NBAS: variants seen among roughly 807,000 people sequenced by gnomAD.
The protein encoded by NBAS is NAG/BC035112 fusion.
Under a neutral mutation model 302.5 loss-of-function variants are expected in NBAS, and 219 were observed. The ratio of observed to expected loss-of-function variants is 0.72; its 90% CI spans 0.65 to 0.81. The LOEUF (loss-of-function observed/expected upper bound fraction) is 0.81. Ranked by LOEUF, NBAS falls within the 30% of genes least tolerant of loss-of-function variation. The pLI is 0.00. For synonymous variants in NBAS, 1,118 were observed against 1,021.6 expected, an observed-to-expected ratio of 1.09 and a Z score of -1.80; for missense variants, 2,932 against 2,841.6, an observed-to-expected ratio of 1.03 and a Z score of -0.72.
At chr2:15,414,269 A>G (rs1676816030) in intron 25 of NBAS, among the ~76,000 whole-genome samples, 1 of 152,232 alleles carries the variant, frequency 6.6e-6, no homozygotes, top group African/African-American at 2.4e-5. Context: ...ATACTGGTCC[A>G]TGACCATGTA....
chr2:14,998,767 TC>T, the NBAS span, among the ~76,000 whole-genome samples: 1 of 152,180 alleles, frequency 6.6e-6, no homozygotes, highest in Non-Finnish European at 1.5e-5. Flanking sequence ...GAATTTCCTG[TC>T]TTTTATGCAA....
At chr2:15,029,544 C>T in the NBAS span, among the ~76,000 whole-genome samples, 2 of 152,108 alleles carry the variant, frequency 1.3e-5, no homozygotes, top group African/African-American at 4.8e-5. Context: ...ATAAAGGAAT[C>T]GGAAGAAACC....
chr2:15,101,538 T>G, the NBAS span, among the ~76,000 whole-genome samples: 1 of 151,934 alleles, frequency 6.6e-6, no homozygotes, highest in Non-Finnish European at 1.5e-5. Context: ...AATAAACATA[T>G]AGTTTTAAAA....
chr2:15,243,165 T>G lies in NBAS; in HGVS notation c.5725-4479A>C, dbSNP rs185018961. On this transcript the variant is annotated intron_variant, in intron 44 of 51. Transcript: ENST00000281513. ...AACTTGTCTCCCAGTGTGACAGAGATAGTGGTGCTCACCAAACACAAGCAT... is the reference window on the plus strand; with the variant it reads ...AACTTGTCTCCCAGTGTGACAGAGAGAGTGGTGCTCACCAAACACAAGCAT... Among the ~76,000 whole-genome samples the G allele has an allele frequency of 7.9e-5, 12 of 152,294 alleles. No individual in the cohort carries two copies. The East Asian group carries it at 2.3e-3, about 29-fold the overall frequency.
chr2:15,052,965 GAGAA>G, the NBAS span, among the ~76,000 whole-genome samples: 10 of 152,222 alleles, frequency 6.6e-5, no homozygotes, highest in South Asian at 1.9e-3. Flanking sequence ...AAGTACAGGA[GAGAA>G]AGGAAAAACA....
chr2:14,783,627 A>T, the NBAS span, among the ~76,000 whole-genome samples: 1 of 151,622 alleles, frequency 6.6e-6, no homozygotes, highest in African/African-American at 2.4e-5. Context: ...AATTTCATCC[A>T]TGTCCCTACA....
At chr2:14,786,259 T>A in the NBAS span, among the ~76,000 whole-genome samples, 1 of 152,094 alleles carries the variant, frequency 6.6e-6, no homozygotes, top group Non-Finnish European at 1.5e-5. Flanking sequence ...TTGTTGATCC[T>A]TTCAAAAAAC....
the NBAS span, among the ~76,000 whole-genome samples, chr2:14,818,492 G>A: frequency 6.6e-6 from 1 of 152,150 alleles, no homozygotes; most frequent in Non-Finnish European, 1.5e-5. Flanking sequence ...TTAGGTTGTG[G>A]GAGGGTCAGG....
chr2:15,546,195 G>A (rs975059647), intron 6 of NBAS, among the ~76,000 whole-genome samples: 4 of 151,552 alleles, frequency 2.6e-5, no homozygotes, highest in Non-Finnish European at 4.4e-5. Flanking sequence ...ACAGTAACAG[G>A]TACAGGAAAA....
Position 15,276,935 on chromosome 2 carries a change from A to G in NBAS, c.5305T>C (p.Cys1769Arg). 1 of 1,614,088 alleles carries G rather than the reference A, an allele frequency of 6.2e-7. No individual in the cohort carries two copies. The highest frequency in any genetic ancestry group is 8.5e-7 in the Non-Finnish European group (1 of 1,179,982). ...LQYYFTLLEN[C>R]GCADLGNCAI... ...CAGTTCCCCAAATCTGCACAGCCAC[A>G]GTTTTCCAGAAGAGTGAAATAATAC... The change falls in exon 43 of 52, where the codon TGT (cysteine) becomes CGT (arginine). Residue 1769 changes from cysteine (C) to arginine (R), a missense_variant. By Grantham distance (180) the Cys-to-Arg change is radical (BLOSUM62 -3). Transcript: ENST00000281513.
chr2:14,783,966 A>C, the NBAS span, among the ~76,000 whole-genome samples: 3 of 151,810 alleles, frequency 2.0e-5, no homozygotes, highest in African/African-American at 7.3e-5. Flanking sequence ...ATTTCTCCAC[A>C]TCCTCTCCAG....
intron 48 of NBAS, among the ~76,000 whole-genome samples, chr2:15,215,447 G>C (rs1402191288): frequency 2.6e-5 from 4 of 152,190 alleles, no homozygotes; most frequent in Non-Finnish European, 5.9e-5. Context: ...TGTATGCAAA[G>C]TCTGCCTAAG....
intron 51 of NBAS, among the ~76,000 whole-genome samples, chr2:15,174,047 G>T (rs959826537): frequency 1.3e-5 from 2 of 152,174 alleles, no homozygotes; most frequent in Non-Finnish European, 2.9e-5. Flanking sequence ...GGAATCCCAG[G>T]CTGACCTGCA....
intron 6 of NBAS, among the ~76,000 whole-genome samples, chr2:15,548,998 C>A (rs1463664230): frequency 6.6e-6 from 1 of 152,086 alleles, no homozygotes; most frequent in Non-Finnish European, 1.5e-5. Context: ...GAACTGTATT[C>A]CAGTCAATAG....
In NBAS at chr2:15,537,317, G is replaced by A. The variant is rs1407858647; in HGVS notation, c.514-766C>T. ...ATGGACTCATCCCTGGAAACCAGAAGTCATACCAAGATGAGTCTGTGTAAA... is the reference window on the plus strand; with the variant it reads ...ATGGACTCATCCCTGGAAACCAGAAATCATACCAAGATGAGTCTGTGTAAA... On this transcript the variant is annotated intron_variant, in intron 7 of 51. Transcript: ENST00000281513. Among the ~76,000 whole-genome samples, 6 of 152,202 alleles carry A rather than the reference G, an allele frequency of 3.9e-5. No homozygotes were observed. The East Asian group carries it at 1.2e-3, about 29-fold the overall frequency.
intron 38 of NBAS, among the ~76,000 whole-genome samples, chr2:15,318,597 A>T (rs1558529927): frequency 6.6e-6 from 1 of 152,190 alleles, no homozygotes; most frequent in Admixed American, 6.5e-5. Context: ...AGGGGTTGCA[A>T]TCCTAGTCTC....
At chr2:14,890,589 G>A in the NBAS span, 1 of 152,174 alleles carries the variant, frequency 6.6e-6, no homozygotes, top group African/African-American at 2.4e-5. Context: ...AGGCCGAGGT[G>A]CGGGGGTCAC....
At chr2:14,994,931 C>T in the NBAS span, among the ~76,000 whole-genome samples, 1 of 152,202 alleles carries the variant, frequency 6.6e-6, no homozygotes. Context: ...AAAACCCCAT[C>T]CTTGAAGCCC....
At chr2:15,361,507 T>C (rs1394341095) in intron 32 of NBAS, among the ~76,000 whole-genome samples, 2 of 151,934 alleles carry the variant, frequency 1.3e-5, no homozygotes, top group African/African-American at 2.4e-5. Flanking sequence ...AGTGAGACTC[T>C]GGCTCAAAAA....
Sources: gnomAD v4.1 joint callset for allele counts (sites outside exome capture counted in the v4.1 genomes callset) on GRCh38, gnomAD v4.1.1 for gene constraint, MANE v1.5 for transcripts, NCBI Gene and HGNC (gene_info 2026-07-23, HGNC 2026-07-21) for gene names.